SEMA6D: variants seen among roughly 807,000 people sequenced by gnomAD.
SEMA6D encodes semaphorin-6D.
Under a neutral mutation model 106.6 loss-of-function variants are expected in SEMA6D, and 35 were observed. The ratio of observed to expected loss-of-function variants is 0.33; its 90% CI spans 0.25 to 0.44. The LOEUF is 0.44. Among genes scored for constraint, SEMA6D ranks in the 20% least tolerant of loss-of-function variants. The pLI, the probability that SEMA6D is intolerant of heterozygous loss-of-function variation, is 1.00. For synonymous variants in SEMA6D, 499 were observed against 487.7 expected (o/e 1.02, Z -0.31); for missense variants, 1,185 against 1,345.9 (o/e 0.88, Z 1.87).
rs920027841 is a variant in SEMA6D at position 47,290,744 on chromosome 15, G to A, written c.-239+106326G>A. Reference sequence around the variant, plus strand: ...TCAAGATGAGGCAATAAAAATGACCGCAGTCTCGTGAATGAACACTTTGTT... The same window carrying A: ...TCAAGATGAGGCAATAAAAATGACCACAGTCTCGTGAATGAACACTTTGTT... On this transcript the variant is annotated intron_variant, in intron 1 of 19. Coordinates refer to the SEMA6D transcript ENST00000558014. 6.6e-5 allele frequency among the ~76,000 whole-genome samples: 10 copies of A among 152,094 alleles called. No homozygotes were observed. In the South Asian group the frequency reaches 1.9e-3, roughly 28 times the overall value.
intron 1 of SEMA6D, among the ~76,000 whole-genome samples, chr15:47,241,869 A>G (rs1194169242): frequency 6.6e-6 from 1 of 152,078 alleles, no homozygotes; most frequent in African/African-American, 2.4e-5. Context: ...TGCATAGAAA[A>G]TTCTGTGTAA....
At position 47,348,722 on chromosome 15, in the gene SEMA6D, A is replaced by ACACACACAC. The variant is rs1567016690; in HGVS notation, c.-238-63665_-238-63664insCACCACACA. 6.2e-4 allele frequency among the ~76,000 whole-genome samples: 23 copies of ACACACACAC among 37,042 alleles called. 1 individual carries two copies. The highest frequency in any genetic ancestry group is 1.7e-3 in the African/African-American group (22 of 13,162). 24.3% of individuals were successfully genotyped at this position (37,042 alleles called of 152,430 possible). On this transcript the variant is annotated intron_variant, in intron 1 of 19. Coordinates refer to the SEMA6D transcript ENST00000558014. ...ACACACACACACACACACACACCACACACACAGAGAGAGAGAGAGAGAGAG... is the reference window on the plus strand; with the variant it reads ...ACACACACACACACACACACACCACACACACACACCACACAGAGAGAGAGAGAGAGAGAG...
intron 3 of SEMA6D, among the ~76,000 whole-genome samples, chr15:47,600,544 A>G (rs977186238): frequency 2.0e-5 from 3 of 152,038 alleles, no homozygotes; most frequent in Non-Finnish European, 4.4e-5. Context: ...AACAACAACA[A>G]CAACAACAAA....
chr15:47,659,856 G>A (rs2077881409), intron 4 of SEMA6D, among the ~76,000 whole-genome samples: 1 of 152,054 alleles, frequency 6.6e-6, no homozygotes, highest in Admixed American at 6.5e-5. Flanking sequence ...CCACAAATTA[G>A]AAAAGTTTGA....
intron 3 of SEMA6D, among the ~76,000 whole-genome samples, chr15:47,578,617 C>A (rs2076200068): frequency 6.6e-6 from 1 of 152,040 alleles, no homozygotes; most frequent in African/African-American, 2.4e-5. Context: ...AGGAGTAACA[C>A]AAATTTGTGA....
chr15:47,299,821 T>TTAA (rs1214954349), intron 1 of SEMA6D, among the ~76,000 whole-genome samples: 1 of 152,206 alleles, frequency 6.6e-6, no homozygotes, highest in Non-Finnish European at 1.5e-5. Context: ...TTGTAAGTAC[T>TTAA]TAATAAGATC....
chr15:47,460,902 A>C lies in SEMA6D; in HGVS notation c.-158-9572A>C, dbSNP rs1183811591. On this transcript the variant is annotated intron_variant, in intron 2 of 19. Transcript: ENST00000558014. Reference sequence around the variant, plus strand: ...AACTAACTATGCCTTGATCTTGTGAAATTACTGTTGGTATTTGCCCTAAAC... The same window carrying C: ...AACTAACTATGCCTTGATCTTGTGACATTACTGTTGGTATTTGCCCTAAAC... Among the ~76,000 whole-genome samples, 8 of 152,010 alleles carry C rather than the reference A, an allele frequency of 5.3e-5. No individual in the cohort carries two copies. The East Asian group carries it at 1.2e-3, about 22-fold the overall frequency.
intron 1 of SEMA6D, among the ~76,000 whole-genome samples, chr15:47,329,433 A>G (rs1241072559): frequency 6.6e-6 from 1 of 152,240 alleles, no homozygotes; most frequent in Non-Finnish European, 1.5e-5. Context: ...ATTTAGAGAT[A>G]GAAATAGATG....
intron 1 of SEMA6D, among the ~76,000 whole-genome samples, chr15:47,224,355 A>G (rs2031471199): frequency 1.3e-5 from 2 of 152,072 alleles, no homozygotes; most frequent in African/African-American, 4.8e-5. Flanking sequence ...TGTGCTATGG[A>G]CGTAATCATA....
chr15:47,270,511 C>T (rs1451299680), intron 1 of SEMA6D, among the ~76,000 whole-genome samples: 2 of 151,644 alleles, frequency 1.3e-5, no homozygotes, highest in African/African-American at 2.4e-5. Context: ...AGAATGATGA[C>T]GTGACAGAAG....
chr15:47,609,935 C>T (rs920949281), intron 4 of SEMA6D, among the ~76,000 whole-genome samples: 46 of 152,206 alleles, frequency 3.0e-4, no homozygotes, highest in Admixed American at 1.7e-3. Context: ...TTAGGTGCTG[C>T]ATGTGTGCTC....
chr15:47,754,225 C>T (rs985175583), intron 1 of SEMA6D, among the ~76,000 whole-genome samples: 2 of 152,126 alleles, frequency 1.3e-5, no homozygotes, highest in Non-Finnish European at 2.9e-5. Context: ...GACCTCACCT[C>T]TACTAAAAAT....
chr15:47,764,044 G>A lies in SEMA6D; in HGVS notation c.942G>A (p.Gly314=), dbSNP rs753711376. The A allele has an allele frequency of 1.2e-6, 2 of 1,613,690 alleles. No homozygotes were observed. The highest frequency in any genetic ancestry group is 1.7e-6 in the Non-Finnish European group (2 of 1,179,866). Residue 314 remains glycine, a synonymous_variant, in exon 10 of 19, where the codon GGG becomes GGA. Coordinates refer to ENST00000536845, the MANE Select transcript of SEMA6D (RefSeq NM_001358351.3). ...IQINGIPTVV[G]VFTTQLNSIP... is the part of the protein sequence containing the mutation. The stretch of plus-strand genomic sequence containing the variant: ...TCAATGGCATCCCCACTGTGGTCGG[G>A]GTGTTTACCACGCAGCTCAATAGGT...
At chr15:47,411,208 G>C (rs1258368669) in intron 1 of SEMA6D, among the ~76,000 whole-genome samples, 1 of 152,014 alleles carries the variant, frequency 6.6e-6, no homozygotes, top group East Asian at 1.9e-4. Context: ...CGATTCTCTT[G>C]CCTCAGCCTC....
chr15:47,184,548 C>T (rs545359368), intron 1 of SEMA6D: 32 of 152,304 alleles, frequency 2.1e-4, no homozygotes, highest in African/African-American at 7.2e-4. Flanking sequence ...CAGGATGCTC[C>T]AGCCTCCCGG....
rs1374020623 is a variant in SEMA6D, at chr15:47,443,754, TAC to T, written c.-158-26718_-158-26717del. Among the ~76,000 whole-genome samples the T allele has an allele frequency of 3.3e-5, 5 of 152,248 alleles. No homozygotes were observed. The East Asian group carries it at 9.7e-4, about 30-fold the overall frequency. ...TTTTAAAGAGAAATTTTCATCAATA[TAC>T]AGTTACCAAACTTCAGCAACTTCAG... On this transcript the variant is annotated intron_variant, in intron 2 of 19. Transcript: ENST00000558014.
intron 4 of SEMA6D, among the ~76,000 whole-genome samples, chr15:47,631,315 A>G (rs1417677658): frequency 3.3e-5 from 5 of 151,804 alleles, no homozygotes; most frequent in African/African-American, 4.8e-5. Flanking sequence ...TTTGAGTTTT[A>G]GCAGTTTTTG....
intron 1 of SEMA6D, among the ~76,000 whole-genome samples, chr15:47,252,502 C>G (rs2033578846): frequency 2.0e-5 from 3 of 152,084 alleles, no homozygotes; most frequent in South Asian, 4.1e-4. Context: ...CTTACTCTTC[C>G]TATCTAACTG....
chr15:47,649,271 A>G lies in SEMA6D; in HGVS notation c.-55+48375A>G, dbSNP rs1407926759. On this transcript the variant is annotated intron_variant, in intron 4 of 19. Coordinates refer to the SEMA6D transcript ENST00000558014. The stretch of plus-strand genomic sequence containing the variant: ...TGGAAGAGACGCATCTCAGATACAT[A>G]TCTGTGGGAAAAATGTACTAAAAAT... Among the ~76,000 whole-genome samples the G allele has an allele frequency of 2.6e-5, 4 of 152,316 alleles. No individual in the cohort carries two copies. In the East Asian group the frequency reaches 7.7e-4, roughly 29 times the overall value.
Sources: allele counts gnomAD v4.1 joint callset (sites outside exome capture counted in the v4.1 genomes callset), GRCh38; gene constraint gnomAD v4.1.1; transcripts MANE v1.5; gene names NCBI Gene and HGNC (gene_info 2026-07-23, HGNC 2026-07-21).